KLF8: variants seen among roughly 807,000 people sequenced by gnomAD.
KLF8 encodes the protein Krueppel-like factor 8.
In KLF8, 10 loss-of-function variants were observed where a neutral mutation model predicts 18.2. The observed-to-expected ratio is 0.55, with a 90% CI of 0.34 to 0.93. KLF8 has a LOEUF of 0.93. Ranked by LOEUF, KLF8 falls within the 40% of genes least tolerant of loss-of-function variation. The pLI is 0.02. For synonymous variants in KLF8, 109 were observed against 97.3 expected (o/e 1.12, Z -0.71); for missense variants, 264 against 277.9 (o/e 0.95, Z 0.36).
the KLF8 span, among the ~76,000 whole-genome samples, chrX:56,050,103 C>T: frequency 1.8e-5 from 2 of 109,817 alleles, no homozygotes; most frequent in African/African-American, 3.3e-5. Context: ...TCTGTGGGAT[C>T]GGTGGTGATA....
chrX:56,053,000 G>A, the KLF8 span, among the ~76,000 whole-genome samples: 18 of 111,947 alleles, frequency 1.6e-4, no homozygotes, highest in East Asian at 2.0e-3. Context: ...TCAGAAAAGC[G>A]CAGTAGTCAG....
intron 2 of KLF8, among the ~76,000 whole-genome samples, chrX:56,251,449 A>T (rs1204841830): frequency 1.8e-5 from 2 of 110,302 alleles, no homozygotes; most frequent in Non-Finnish European, 1.9e-5. Flanking sequence ...TTGAATTTTT[A>T]TATATTTATT....
At chrX:56,010,561 G>T in the KLF8 span, among the ~76,000 whole-genome samples, 3 of 111,569 alleles carry the variant, frequency 2.7e-5, no homozygotes, top group African/African-American at 9.8e-5. Context: ...CAACAAGTCT[G>T]CAAAATAACC....
chrX:56,202,309 G>C, the KLF8 span, among the ~76,000 whole-genome samples: 33 of 109,913 alleles, frequency 3.0e-4, no homozygotes, highest in East Asian at 8.3e-3. Flanking sequence ...TGGGTACATA[G>C]TAGGTGTATA....
At chrX:55,936,496 G>T in the KLF8 span, among the ~76,000 whole-genome samples, 1 of 112,789 alleles carries the variant, frequency 8.9e-6, no homozygotes, top group Non-Finnish European at 1.9e-5. Flanking sequence ...GAGGTACCAG[G>T]TTCATCTCAC....
At position 56,267,024 on chromosome X, in the gene KLF8, GA is replaced by G. The variant is rs1226789339; in HGVS notation, c.646+1283del. 3 of 751,964 alleles carry G rather than the reference GA, an allele frequency of 4.0e-6. No homozygotes were observed. The African/African-American group carries it at 7.0e-5, about 17-fold the overall frequency. 62.0% of individuals were successfully genotyped at this position (751,964 alleles called of 1,213,427 possible). On this transcript the variant is annotated intron_variant, in intron 3 of 5. Transcript: ENST00000468660. ...AGCCAAACAAACAAACCAAAAAAAGGAAACAAACAAAAAAGGAAATAAAATT... is the reference window on the plus strand; with the variant it reads ...AGCCAAACAAACAAACCAAAAAAAGGAACAAACAAAAAAGGAAATAAAATT...
chrX:56,040,261 G>A, the KLF8 span, among the ~76,000 whole-genome samples: 1 of 111,469 alleles, frequency 9.0e-6, no homozygotes, highest in African/African-American at 3.3e-5. Context: ...CCAATACTAT[G>A]TTGAATAGGA....
the KLF8 span, among the ~76,000 whole-genome samples, chrX:56,154,091 A>G: frequency 1.8e-5 from 2 of 111,358 alleles, no homozygotes; most frequent in Non-Finnish European, 3.8e-5. Context: ...TTTAAAGTTC[A>G]TATGGAACCA....
chrX:56,064,110 C>T, the KLF8 span, among the ~76,000 whole-genome samples: 7 of 94,718 alleles, frequency 7.4e-5, no homozygotes, highest in South Asian at 4.3e-4. Context: ...TACATATATA[C>T]GTATGTGTGT....
chrX:55,908,386 C>T, the KLF8 span: 7 of 291,722 alleles, frequency 2.4e-5, no homozygotes, highest in South Asian at 2.2e-4. Flanking sequence ...TTTAAAGGGG[C>T]TGGTGATTGA....
the KLF8 span, among the ~76,000 whole-genome samples, chrX:55,936,739 T>C: frequency 8.9e-6 from 1 of 111,807 alleles, no homozygotes; most frequent in African/African-American, 3.3e-5. Flanking sequence ...ATCCTGCACC[T>C]GGTTCAGAGA....
chrX:56,284,334 C>G lies in KLF8; in HGVS notation c.920C>G (p.Thr307Ser), dbSNP rs1391902410. The G allele has an allele frequency of 2.6e-6, 3 of 1,165,291 alleles. No individual in the cohort carries two copies. Among genetic ancestry groups the G allele is most frequent in the African/African-American group, 3.6e-5 (2 of 55,766 alleles). The change falls in exon 6 of 6, where the codon ACC becomes AGC. Residue 307 changes from threonine (T) to serine (S), a missense_variant. Around this residue, in one of 2 missense-constraint regions of KLF8, gnomAD observed 43 missense variants for 84.3 expected, o/e 0.51. Coordinates refer to ENST00000468660, the MANE Select transcript of KLF8 (RefSeq NM_007250.5). ...IHTGEKPYKCTWDGCSWKFAR... is the reference protein window; with the variant it reads ...IHTGEKPYKCSWDGCSWKFAR... ...TTAGGAGAGAAGCCTTATAAATGCACCTGGGATGGCTGCTCCTGGAAATTT... is the reference window on the plus strand; with the variant it reads ...TTAGGAGAGAAGCCTTATAAATGCAGCTGGGATGGCTGCTCCTGGAAATTT...
the KLF8 span, among the ~76,000 whole-genome samples, chrX:56,190,098 T>C: frequency 1.8e-5 from 2 of 111,171 alleles, no homozygotes; most frequent in South Asian, 3.8e-4. Context: ...ACATTTCGTC[T>C]ATAAAGAAAC....
the KLF8 span, among the ~76,000 whole-genome samples, chrX:56,185,387 T>C: frequency 8.9e-6 from 1 of 112,125 alleles, no homozygotes; most frequent in African/African-American, 3.2e-5. Context: ...AAAGACCAAA[T>C]CTACATCTGA....
At chrX:56,201,088 AT>A in the KLF8 span, among the ~76,000 whole-genome samples, 1 of 111,979 alleles carries the variant, frequency 8.9e-6, no homozygotes, top group Non-Finnish European at 1.9e-5. Context: ...CTACCATATG[AT>A]TTAGCAATCC....
chrX:56,051,393 G>T, the KLF8 span, among the ~76,000 whole-genome samples: 1 of 110,711 alleles, frequency 9.0e-6, no homozygotes, highest in Non-Finnish European at 1.9e-5. Flanking sequence ...GCATGATTTT[G>T]CAGCGGCTGG....
chrX:56,063,674 T>C, the KLF8 span, among the ~76,000 whole-genome samples: 1 of 111,367 alleles, frequency 9.0e-6, no homozygotes, highest in Non-Finnish European at 1.9e-5. Context: ...TTAGTGGAGG[T>C]CAAGTGCTGT....
the KLF8 span, among the ~76,000 whole-genome samples, chrX:56,167,563 G>C: frequency 8.9e-6 from 1 of 111,980 alleles, no homozygotes; most frequent in East Asian, 2.8e-4. Context: ...CTTCAAGAGA[G>C]CCAACTAGGA....
chrX:55,956,101 G>A, the KLF8 span, among the ~76,000 whole-genome samples: 3 of 109,652 alleles, frequency 2.7e-5, no homozygotes, highest in East Asian at 5.7e-4. Context: ...TCACATGAGC[G>A]AATTCCTTCT....
Sources: allele counts gnomAD v4.1 joint callset (sites outside exome capture counted in the v4.1 genomes callset), GRCh38; gene constraint gnomAD v4.1.1; regional missense constraint gnomAD v4.1.1; transcripts MANE v1.5; gene names NCBI Gene and HGNC (gene_info 2026-07-23, HGNC 2026-07-21).